Variants in SLIT1 observed in about 807,000 individuals in gnomAD.
The protein encoded by SLIT1 is slit homolog 1 protein.
SLIT1 carries 66 observed loss-of-function variants against 186.1 expected under a neutral mutation model. The ratio of observed to expected loss-of-function variants is 0.35; its 90% CI spans 0.29 to 0.44. The LOEUF (loss-of-function observed/expected upper bound fraction) is 0.44, where lower values mean the gene tolerates loss of function less well. SLIT1 is among the 20% of genes least tolerant of loss of function. The pLI, the probability that SLIT1 is intolerant of heterozygous loss-of-function variation, is 1.00. For synonymous variants in SLIT1, 761 were observed against 833.8 expected, an observed-to-expected ratio of 0.91 and a Z score of 1.50; for missense variants, 1,638 against 2,037.4, an observed-to-expected ratio of 0.80 and a Z score of 3.77.
intron 25 of SLIT1, among the ~76,000 whole-genome samples, chr10:97,024,437 C>G (rs896233450): frequency 5.3e-5 from 8 of 152,180 alleles, no homozygotes; most frequent in African/African-American, 1.9e-4. Context: ...CACGCATGAC[C>G]TAAAAGAGGT....
At chr10:97,013,593 C>T (rs761340339) in intron 30 of SLIT1, 148 bp downstream of exon 30, 18 of 649,294 alleles carry the variant, frequency 2.8e-5, no homozygotes, top group African/African-American at 2.0e-4. Flanking sequence ...CCCACAACCC[C>T]GCATGGATTC....
At chr10:97,159,347 G>A (rs891045699) in intron 3 of SLIT1, among the ~76,000 whole-genome samples, 31 of 152,172 alleles carry the variant, frequency 2.0e-4, no homozygotes, top group African/African-American at 7.2e-4. Flanking sequence ...ACTTTTAAGG[G>A]CAGGCTCCTA....
At chr10:97,051,958 T>C (rs1386004191) in intron 13 of SLIT1, among the ~76,000 whole-genome samples, 1 of 152,150 alleles carries the variant, frequency 6.6e-6, no homozygotes. Context: ...TGTGGTCTAT[T>C]TACACAATGG....
chr10:97,173,707 T>A (rs952246408), intron 1 of SLIT1, among the ~76,000 whole-genome samples: 2 of 151,238 alleles, frequency 1.3e-5, no homozygotes, highest in Non-Finnish European at 3.0e-5. Context: ...GGATGTGAGG[T>A]TGATGGGGAA....
At chr10:97,134,658 G>A (rs1229510079) in intron 4 of SLIT1, among the ~76,000 whole-genome samples, 2 of 152,048 alleles carry the variant, frequency 1.3e-5, no homozygotes, top group African/African-American at 2.4e-5. Flanking sequence ...ATCCCTCCAC[G>A]CCAGGCCCAA....
chr10:97,083,515 T>A (rs1849126411), intron 4 of SLIT1, among the ~76,000 whole-genome samples: 1 of 152,214 alleles, frequency 6.6e-6, no homozygotes, highest in Non-Finnish European at 1.5e-5. Flanking sequence ...AATGTTGACA[T>A]TGAGTCATCA....
Position 97,185,760 on chromosome 10 carries a change from G to C in SLIT1, c.-86C>G, listed in dbSNP as rs1395931631. The stretch of plus-strand genomic sequence containing the variant: ...CGGGGCCGCCTCCAGGTGCAGTCCC[G>C]GGGCAGAGCCACCGAAGAGCCCGCG... On this transcript the variant is annotated 5_prime_UTR_variant, in exon 1 of 37. Transcript: ENST00000266058. The C allele has an allele frequency of 4.1e-6, 5 of 1,204,988 alleles. No homozygotes were observed. The East Asian group carries it at 1.2e-4, about 30-fold the overall frequency. 74.6% of individuals were successfully genotyped at this position (1,204,988 alleles called of 1,614,324 possible).
chr10:97,097,539 A>C (rs937856705), intron 4 of SLIT1, among the ~76,000 whole-genome samples: 1 of 152,238 alleles, frequency 6.6e-6, no homozygotes, highest in Non-Finnish European at 1.5e-5. Flanking sequence ...AAAGCATAGA[A>C]AGAACAACCA....
chr10:97,003,623 C>T (rs1016653168), intron 34 of SLIT1, among the ~76,000 whole-genome samples: 10 of 152,148 alleles, frequency 6.6e-5, no homozygotes, highest in African/African-American at 9.7e-5. Flanking sequence ...AGGTGGTAGA[C>T]GGGGTCATCT....
chr10:97,179,451 C>T (rs1303728898), intron 1 of SLIT1, among the ~76,000 whole-genome samples: 1 of 152,126 alleles, frequency 6.6e-6, no homozygotes, highest in African/African-American at 2.4e-5. Context: ...ATCTTAACTT[C>T]ACAGCCCTAT....
chr10:97,129,223 G>A (rs936833536), intron 4 of SLIT1, among the ~76,000 whole-genome samples: 35 of 152,058 alleles, frequency 2.3e-4, no homozygotes, highest in Middle Eastern at 3.2e-3. Flanking sequence ...GCAACATAGC[G>A]AAACCCCGTC....
In SLIT1 at chr10:97,064,201, G is replaced by A. The variant is rs756517467; in HGVS notation, c.596C>T (p.Ser199Phe). ...NNNNITTIPV[S>F]SFNHMPKLRT... ...TAGCTTGGGCATATGGTTGAAGCTGGACACGGGGATGGTGGTGATATTGTT... is the reference window on the plus strand; with the variant it reads ...TAGCTTGGGCATATGGTTGAAGCTGAACACGGGGATGGTGGTGATATTGTT... The change falls in exon 7 of 37, where the codon TCC (serine) becomes TTC (phenylalanine). Residue 199 changes from serine to phenylalanine, a missense_variant. Ser to Phe is a radical substitution (Grantham distance 155). Transcript: ENST00000266058. 1 of 1,613,896 alleles carries A rather than the reference G, an allele frequency of 6.2e-7. No individual in the cohort carries two copies. Among genetic ancestry groups the A allele is most frequent in the South Asian group, 1.1e-5 (1 of 90,932 alleles).
At chr10:97,137,012 T>C (rs956737033) in intron 4 of SLIT1, among the ~76,000 whole-genome samples, 1 of 152,070 alleles carries the variant, frequency 6.6e-6, no homozygotes, top group Non-Finnish European at 1.5e-5. Flanking sequence ...CCAGCAAGCA[T>C]CCCTCCAACC....
chr10:97,042,815 G>C (rs1161572345), intron 20 of SLIT1, 86 bp downstream of exon 20: 4 of 1,432,032 alleles, frequency 2.8e-6, no homozygotes, highest in Non-Finnish European at 3.9e-6. Context: ...GGTGCTGCCT[G>C]TCCACTCCCA....
chr10:97,166,614 A>AGAAG (rs1850119826), intron 1 of SLIT1, among the ~76,000 whole-genome samples: 2 of 67,024 alleles, frequency 3.0e-5, no homozygotes, highest in Non-Finnish European at 5.8e-5. Context: ...AAAGAAAGAA[A>AGAAG]GAAAGAAAGA....
intron 4 of SLIT1, among the ~76,000 whole-genome samples, chr10:97,108,886 CAAAAAAAAAAAAAAAAAA>C (rs11355026): frequency 0.074 from 3,479 of 47,108 alleles, 130 homozygotes; most frequent in Admixed American, 0.15. Flanking sequence ...GTCTCAGTCT[CAAAAAAAAAAAAAAAAAA>C]AAAAAAAAAA....
At chr10:97,067,416 C>T (rs964071106) in intron 4 of SLIT1, among the ~76,000 whole-genome samples, 2 of 152,192 alleles carry the variant, frequency 1.3e-5, no homozygotes, top group East Asian at 3.8e-4. Flanking sequence ...TACTCACAGC[C>T]ACACTCCCCC....
chr10:97,105,144 G>T (rs966728236), intron 4 of SLIT1, among the ~76,000 whole-genome samples: 2 of 152,146 alleles, frequency 1.3e-5, no homozygotes, highest in African/African-American at 4.8e-5. Context: ...TAGGGACCAG[G>T]ATAATTATAA....
intron 11 of SLIT1, among the ~76,000 whole-genome samples, chr10:97,059,178 T>C (rs978048425): frequency 5.9e-5 from 9 of 152,234 alleles, no homozygotes; most frequent in Non-Finnish European, 1.2e-4. Flanking sequence ...ATCCTCACTG[T>C]GGCAGGGAGT....
Sources: allele counts gnomAD v4.1 joint callset (sites outside exome capture counted in the v4.1 genomes callset), GRCh38; gene constraint gnomAD v4.1.1; transcripts MANE v1.5; gene names NCBI Gene and HGNC (gene_info 2026-07-23, HGNC 2026-07-21).